FHIT: variants seen among roughly 807,000 people sequenced by gnomAD.
The protein encoded by FHIT is fragile histidine triad diadenosine triphosphatase.
FHIT carries 19 observed loss-of-function variants against 17.9 expected under a neutral mutation model. The ratio of observed to expected loss-of-function variants is 1.06; its 90% confidence interval spans 0.74 to 1.56. FHIT has a LOEUF of 1.56. FHIT is among the 40% of genes most tolerant of loss of function. The probability of loss-of-function intolerance (pLI) is 0.00; values close to 1 mark genes in which losing one functional copy is unlikely to be tolerated. For synonymous variants in FHIT, 81 were observed against 69.7 expected (o/e 1.16, Z -0.81); for missense variants, 248 against 189.2 (o/e 1.31, Z -1.82).
chr3:60,960,063 G>GT lies in FHIT; in HGVS notation c.-111+81983dup, dbSNP rs144453734. ...TCTCTGAATGATAAGTTTTGGGGCA[G>GT]TTTTTTTTTTACCCTCATCACTGCT... On this transcript the variant is annotated intron_variant, in intron 3 of 9. Coordinates refer to ENST00000492590, the MANE Select transcript of FHIT (RefSeq NM_002012.4). Among the ~76,000 whole-genome samples, 43 of 148,048 alleles carry GT rather than the reference G, an allele frequency of 2.9e-4. 1 individual carries two copies. The highest frequency in any genetic ancestry group is 1.8e-3 in the East Asian group (9 of 5,056).
At chr3:59,806,811 A>G (rs529920900) in intron 8 of FHIT, among the ~76,000 whole-genome samples, 1 of 152,172 alleles carries the variant, frequency 6.6e-6, no homozygotes, top group East Asian at 1.9e-4. Flanking sequence ...AAACCAAATT[A>G]TCACTGGAGA....
At chr3:60,449,170 C>A (rs1262402929) in intron 5 of FHIT, among the ~76,000 whole-genome samples, 1 of 152,040 alleles carries the variant, frequency 6.6e-6, no homozygotes, top group East Asian at 1.9e-4. Flanking sequence ...GCTTTGATTG[C>A]CTAGGTACTT....
At chr3:59,948,424 G>A (rs1706941836) in intron 7 of FHIT, among the ~76,000 whole-genome samples, 1 of 151,780 alleles carries the variant, frequency 6.6e-6, no homozygotes, top group South Asian at 2.1e-4. Context: ...GGCTGAGTCA[G>A]GAGAATTGCT....
rs75896061 is a variant in FHIT at position 60,409,985 on chromosome 3, A to G, written c.103+126875T>C. Among the ~76,000 whole-genome samples the G allele has an allele frequency of 3.4e-3, 517 of 152,300 alleles. 4 individuals are homozygous for G. Among genetic ancestry groups the G allele is most frequent in the African/African-American group, 0.012 (496 of 41,574 alleles). ...TCAACCTTAAATAATGGGAAAATCGAACAAAAACAACACCCTAACAGATTT... is the reference window on the plus strand; with the variant it reads ...TCAACCTTAAATAATGGGAAAATCGGACAAAAACAACACCCTAACAGATTT... On this transcript the variant is annotated intron_variant, in intron 5 of 9. Coordinates refer to ENST00000492590, the MANE Select transcript of FHIT (RefSeq NM_002012.4).
intron 8 of FHIT, among the ~76,000 whole-genome samples, chr3:59,757,735 T>G (rs576564481): frequency 3.3e-5 from 5 of 152,176 alleles, no homozygotes; most frequent in Non-Finnish European, 5.9e-5. Flanking sequence ...ATTATCACTT[T>G]TATAAAACAA....
chr3:60,440,263 T>C (rs767250776), intron 5 of FHIT, among the ~76,000 whole-genome samples: 1 of 152,188 alleles, frequency 6.6e-6, no homozygotes, highest in Admixed American at 6.5e-5. Flanking sequence ...TTCCCAAGAC[T>C]AGACTTTTCT....
At chr3:60,301,629 T>A (rs1385579855) in intron 5 of FHIT, among the ~76,000 whole-genome samples, 1 of 152,210 alleles carries the variant, frequency 6.6e-6, no homozygotes, top group Admixed American at 6.5e-5. Context: ...TTGGTTCACC[T>A]TTGCAACAGC....
chr3:61,162,089 T>G (rs2037713472), intron 2 of FHIT, among the ~76,000 whole-genome samples: 1 of 152,190 alleles, frequency 6.6e-6, no homozygotes, highest in Non-Finnish European at 1.5e-5. Context: ...AATCATCAAT[T>G]AAAACTCATC....
chr3:59,759,453 C>T (rs1361613278), intron 8 of FHIT, among the ~76,000 whole-genome samples: 3 of 152,070 alleles, frequency 2.0e-5, no homozygotes, highest in Non-Finnish European at 4.4e-5. Flanking sequence ...AGGACTTGGC[C>T]CCTCACTATA....
intron 5 of FHIT, among the ~76,000 whole-genome samples, chr3:60,253,734 T>A (rs1705841814): frequency 6.6e-6 from 1 of 152,164 alleles, no homozygotes; most frequent in Non-Finnish European, 1.5e-5. Flanking sequence ...TGAAAACTAA[T>A]CCACCTTCTT....
At chr3:60,983,926 A>T (rs994081164) in intron 3 of FHIT, among the ~76,000 whole-genome samples, 14 of 132,822 alleles carry the variant, frequency 1.1e-4, no homozygotes, top group Admixed American at 5.2e-4. Context: ...AGCATAAGAT[A>T]AAAAAAATTG....
chr3:59,994,654 A>G (rs1699430179), intron 7 of FHIT, among the ~76,000 whole-genome samples: 1 of 151,966 alleles, frequency 6.6e-6, no homozygotes, highest in Non-Finnish European at 1.5e-5. Flanking sequence ...ATCACACCAC[A>G]AAGCCTGTTT....
At chr3:60,627,200 T>C (rs62249124) in intron 4 of FHIT, among the ~76,000 whole-genome samples, 19,305 of 152,184 alleles carry the variant, frequency 0.13, 1,464 homozygotes, top group Non-Finnish European at 0.17. Flanking sequence ...CCTCATAGAA[T>C]GTAGTGATAA....
chr3:60,306,542 T>C (rs1314235897), intron 5 of FHIT, among the ~76,000 whole-genome samples: 2 of 152,174 alleles, frequency 1.3e-5, no homozygotes, highest in Admixed American at 1.3e-4. Context: ...TGCCTGTTTT[T>C]AGACTGAGAG....
intron 3 of FHIT, among the ~76,000 whole-genome samples, chr3:60,994,651 C>T (rs1010850317): frequency 6.6e-6 from 1 of 152,078 alleles, no homozygotes; most frequent in Non-Finnish European, 1.5e-5. Flanking sequence ...ATCTTGGCAC[C>T]GGAGATGTTG....
At chr3:59,932,610 C>T (rs896999285) in intron 7 of FHIT, among the ~76,000 whole-genome samples, 3 of 152,172 alleles carry the variant, frequency 2.0e-5, no homozygotes, top group Admixed American at 2.0e-4. Flanking sequence ...AAGCCACTCA[C>T]TTTTGGGGGC....
chr3:60,897,653 G>T (rs1304104299), intron 3 of FHIT, among the ~76,000 whole-genome samples: 11 of 152,098 alleles, frequency 7.2e-5, no homozygotes, highest in Admixed American at 5.2e-4. Flanking sequence ...TTTGCCTACT[G>T]ACCGCTGGGC....
At chr3:61,016,613 C>T (rs1297653379) in intron 3 of FHIT, among the ~76,000 whole-genome samples, 1 of 152,232 alleles carries the variant, frequency 6.6e-6, no homozygotes, top group Non-Finnish European at 1.5e-5. Flanking sequence ...GTTTGTTCAA[C>T]ATTTCTTTCT....
At chr3:59,854,962 A>C (rs1702092090) in intron 8 of FHIT, among the ~76,000 whole-genome samples, 1 of 152,158 alleles carries the variant, frequency 6.6e-6, no homozygotes, top group Non-Finnish European at 1.5e-5. Flanking sequence ...ACCTCACATA[A>C]CTACAGACCT....
Sources: allele counts gnomAD v4.1 joint callset (sites outside exome capture counted in the v4.1 genomes callset), GRCh38; gene constraint gnomAD v4.1.1; transcripts MANE v1.5; gene names NCBI Gene and HGNC (gene_info 2026-07-23, HGNC 2026-07-21).